ZFY: variants seen among roughly 807,000 people sequenced by gnomAD.
ZFY encodes zinc finger protein Y-linked, also known as zinc finger Y-chromosomal protein.
For synonymous variants in ZFY, 47 were observed against 55.8 expected (o/e 0.84, Z 0.71); for missense variants, 113 against 170.9 (o/e 0.66, Z 1.89).
chrY:2,938,027 G>C (rs2051221514), intron 1 of ZFY, among the ~76,000 whole-genome samples: 1 of 26,515 alleles, frequency 3.8e-5, no homozygotes, highest in South Asian at 9.1e-4. Context: ...TCGCTCTGTC[G>C]CCCAGGCTGG....
chrY:2,946,614 TTTG>T (rs2051262722), intron 1 of ZFY, among the ~76,000 whole-genome samples: 1 of 32,064 alleles, frequency 3.1e-5, no homozygotes, highest in Non-Finnish European at 7.5e-5. Flanking sequence ...AAGTTTAAAA[TTTG>T]CTTTATCTTG....
chrY:2,964,392 G>C, intron 3 of ZFY, among the ~76,000 whole-genome samples: 1 of 32,925 alleles, frequency 3.0e-5, no homozygotes. Flanking sequence ...AAGATTAGCA[G>C]ACATGAGAAA....
intron 1 of ZFY, among the ~76,000 whole-genome samples, chrY:2,952,360 T>C: frequency 2.9e-5 from 1 of 34,398 alleles, no homozygotes; most frequent in South Asian, 6.2e-4. Context: ...TCTTTAATTA[T>C]GCAGAGAAGA....
At chrY:2,965,137 C>A (rs2051322656) in intron 3 of ZFY, among the ~76,000 whole-genome samples, 1 of 22,248 alleles carries the variant, frequency 4.5e-5, no homozygotes, top group Non-Finnish European at 1.1e-4. Context: ...AAGACCCACC[C>A]TTTTTTTTTT....
At chrY:2,945,863 G>A in intron 1 of ZFY, among the ~76,000 whole-genome samples, 1 of 33,028 alleles carries the variant, frequency 3.0e-5, no homozygotes, top group Non-Finnish European at 7.5e-5. Context: ...GGGCTGTATT[G>A]TTAGGTGCCT....
At chrY:2,975,042 A>G in intron 3 of ZFY, 53 bp from the exon 4 acceptor site, 1 of 371,994 alleles carries the variant, frequency 2.7e-6, no homozygotes, top group Non-Finnish European at 3.8e-6. Context: ...TAGTTTTCTT[A>G]AGTTTTAAAG....
chrY:2,938,984 T>C, intron 1 of ZFY, among the ~76,000 whole-genome samples: 1 of 2,028 alleles, frequency 4.9e-4, no homozygotes, highest in Non-Finnish European at 7.9e-4. Context: ...ATACAGTGCT[T>C]ATATATATAT....
chrY:2,947,968 C>A (rs2051266911), intron 1 of ZFY, among the ~76,000 whole-genome samples: 1 of 33,892 alleles, frequency 3.0e-5, no homozygotes, highest in Non-Finnish European at 7.4e-5. Flanking sequence ...TAAATATGTT[C>A]ATTCTTAGGA....
intron 1 of ZFY, among the ~76,000 whole-genome samples, chrY:2,945,623 G>C: frequency 3.1e-5 from 1 of 31,777 alleles, no homozygotes; most frequent in Non-Finnish European, 7.6e-5. Flanking sequence ...ACACCGGGCT[G>C]ATTTTTTGTG....
In ZFY at chrY:2,975,668, TA is replaced by T; in HGVS notation, c.928+23del. The stretch of plus-strand genomic sequence containing the variant: ...ATGAAGATTTAAGTATGTGGCTTTT[TA>T]AAAAAAAATTTTTACTTTAAGTTCT... On this transcript the variant is annotated intron_variant, in intron 5 of 7. Transcript: ENST00000155093. 1 of 385,206 alleles carries T rather than the reference TA, an allele frequency of 2.6e-6. No individual in the cohort carries two copies. The highest frequency in any genetic ancestry group is 3.6e-6 in the Non-Finnish European group (1 of 275,272).
At chrY:2,976,247 C>T (rs2051370004) in intron 5 of ZFY, among the ~76,000 whole-genome samples, 2 of 30,594 alleles carry the variant, frequency 6.5e-5, no homozygotes, top group Non-Finnish European at 1.6e-4. Context: ...GTAGCTGAGA[C>T]TACAGGCACG....
intron 1 of ZFY, among the ~76,000 whole-genome samples, chrY:2,953,603 C>A (rs2051285001): frequency 3.0e-5 from 1 of 33,393 alleles, no homozygotes; most frequent in East Asian, 7.7e-4. Flanking sequence ...GTAGTCCCAC[C>A]CACTCAGTAG....
At chrY:2,936,160 C>T (rs2051215240) in intron 1 of ZFY, among the ~76,000 whole-genome samples, 1 of 34,000 alleles carries the variant, frequency 2.9e-5, no homozygotes, top group South Asian at 6.4e-4. Context: ...GTGTCGGCTA[C>T]GCTTTAGGTG....
At chrY:2,973,466 A>G (rs954167461) in intron 3 of ZFY, among the ~76,000 whole-genome samples, 3 of 33,220 alleles carry the variant, frequency 9.0e-5, no homozygotes, top group African/African-American at 3.6e-4. Flanking sequence ...ATAATGAAAT[A>G]TATTCAGCAG....
intron 1 of ZFY, among the ~76,000 whole-genome samples, chrY:2,947,437 A>G: frequency 3.0e-5 from 1 of 33,796 alleles, no homozygotes; most frequent in South Asian, 6.6e-4. Flanking sequence ...AGGTCTTGAT[A>G]TTCACATAAT....
intron 3 of ZFY, among the ~76,000 whole-genome samples, chrY:2,966,155 A>G (rs2051327019): frequency 3.0e-5 from 1 of 33,770 alleles, no homozygotes; most frequent in South Asian, 6.5e-4. Context: ...AAGAAAAAGC[A>G]CAGCCAACAG....
intron 5 of ZFY, 74 bp downstream of exon 5, chrY:2,975,728 A>T: frequency 4.0e-6 from 1 of 247,980 alleles, no homozygotes; most frequent in African/African-American, 7.9e-5. Context: ...GATTTGTTAC[A>T]TAGATATACA....
At chrY:2,944,094 A>T in intron 1 of ZFY, among the ~76,000 whole-genome samples, 1 of 33,634 alleles carries the variant, frequency 3.0e-5, no homozygotes. Context: ...ATTTACTTGA[A>T]TGTTTTTTCT....
Position 2,979,546 on chromosome Y carries a change from G to A in ZFY, c.1959G>A (p.Thr653=). The part of the protein sequence containing the change: ...DLKRHVISVH[T]KDYPHKCEMC... Reference sequence around the variant, plus strand: ...AACGACATGTAATTTCAGTTCATACGAAAGACTATCCTCATAAGTGTGAGA... The same window carrying A: ...AACGACATGTAATTTCAGTTCATACAAAAGACTATCCTCATAAGTGTGAGA... Residue 653 remains threonine, a synonymous_variant, in exon 8 of 8, where the codon ACG becomes ACA. Coordinates refer to ENST00000155093, the MANE Select transcript of ZFY (RefSeq NM_003411.4). 7 of 398,779 alleles carry A rather than the reference G, an allele frequency of 1.8e-5. No homozygotes were observed. Among genetic ancestry groups the A allele is most frequent in the Non-Finnish European group, 2.5e-5 (7 of 283,624 alleles).
Sources: allele counts gnomAD v4.1 joint callset (sites outside exome capture counted in the v4.1 genomes callset), GRCh38; gene constraint gnomAD v4.1.1; transcripts MANE v1.5; gene names NCBI Gene and HGNC (gene_info 2026-07-23, HGNC 2026-07-21).